DNAJC6: variants seen among roughly 807,000 people sequenced by gnomAD.
The protein encoded by DNAJC6 is auxilin.
A neutral mutation model predicts 110.0 loss-of-function variants in DNAJC6; 34 were observed. That is an observed-to-expected ratio of 0.31 (90% CI 0.24 to 0.41). The LOEUF is 0.41. Among genes scored for constraint, DNAJC6 ranks in the 10% least tolerant of loss-of-function variants. The pLI is 1.00. For synonymous variants in DNAJC6, 406 were observed against 437.2 expected (o/e 0.93, Z 0.89); for missense variants, 1,031 against 1,207.8 (o/e 0.85, Z 2.17).
intron 1 of DNAJC6, among the ~76,000 whole-genome samples, chr1:65,361,095 C>A (rs1392444399): frequency 2.6e-5 from 4 of 152,182 alleles, no homozygotes; most frequent in African/African-American, 9.7e-5. Flanking sequence ...GCTGACCCTT[C>A]CACTCGTTAA....
At chr1:65,265,416 T>C (rs1653280840) in intron 1 of DNAJC6, among the ~76,000 whole-genome samples, 1 of 152,182 alleles carries the variant, frequency 6.6e-6, no homozygotes, top group Non-Finnish European at 1.5e-5. Flanking sequence ...AAGCGCTCCA[T>C]GGGGAGCCGT....
chr1:65,343,154 G>T (rs2101491913), intron 1 of DNAJC6, among the ~76,000 whole-genome samples: 1 of 152,278 alleles, frequency 6.6e-6, no homozygotes, highest in African/African-American at 2.4e-5. Context: ...CTTGGCTCTA[G>T]TATGTACCAT....
chr1:65,305,919 A>C (rs1363390315), upstream of DNAJC6, among the ~76,000 whole-genome samples: 1 of 152,196 alleles, frequency 6.6e-6, no homozygotes, highest in Non-Finnish European at 1.5e-5. Context: ...ATTATATGTT[A>C]GGAACTAATT....
intron 1 of DNAJC6, among the ~76,000 whole-genome samples, chr1:65,363,402 G>C (rs905409364): frequency 2.8e-5 from 4 of 143,006 alleles, no homozygotes; most frequent in Non-Finnish European, 6.3e-5. Context: ...AAGGGAGAGA[G>C]AAATACAGAC....
intron 1 of DNAJC6, among the ~76,000 whole-genome samples, chr1:65,349,115 AAT>A (rs1278749905): frequency 4.2e-5 from 6 of 144,538 alleles, no homozygotes; most frequent in Admixed American, 7.0e-5. Context: ...TAAATATGTA[AAT>A]ATATATATAT....
intron 6 of DNAJC6, 58 bp downstream of exon 6, chr1:65,384,384 G>T: frequency 7.4e-7 from 1 of 1,357,686 alleles, no homozygotes; most frequent in South Asian, 2.1e-5. Context: ...ATCATGTACT[G>T]TTTTAAATCT....
chr1:65,332,329 G>C (rs533915872), intron 1 of DNAJC6, among the ~76,000 whole-genome samples: 1 of 152,224 alleles, frequency 6.6e-6, no homozygotes, highest in Admixed American at 6.5e-5. Context: ...TGAATTGGGT[G>C]GTGGGGCACC....
chr1:65,365,313 T>G (rs1645635821), intron 2 of DNAJC6, among the ~76,000 whole-genome samples: 1 of 152,176 alleles, frequency 6.6e-6, no homozygotes, highest in South Asian at 2.1e-4. Flanking sequence ...TATAAGCAGG[T>G]CATAGGAGTT....
intron 1 of DNAJC6, among the ~76,000 whole-genome samples, chr1:65,282,841 C>G (rs1028112408): frequency 1.3e-5 from 2 of 152,166 alleles, no homozygotes; most frequent in African/African-American, 4.8e-5. Flanking sequence ...AAATTATGAA[C>G]TCCTTGAGGT....
chr1:65,380,437 A>G lies in DNAJC6; in HGVS notation c.666+913A>G, dbSNP rs977180924. On this transcript the variant is annotated intron_variant, in intron 5 of 18. Transcript: ENST00000371069. ...GCCAGTTGGCTAAAACAGGAAAGAA[A>G]GTTAAAGAACATTTTTTCTTTCTTT... 2.0e-5 allele frequency among the ~76,000 whole-genome samples: 3 copies of G among 152,234 alleles called. No individual in the cohort carries two copies. In the South Asian group the frequency reaches 6.2e-4, roughly 31 times the overall value.
intron 15 of DNAJC6, among the ~76,000 whole-genome samples, chr1:65,404,321 T>C (rs1348579186): frequency 2.0e-5 from 3 of 152,236 alleles, no homozygotes; most frequent in African/African-American, 7.2e-5. Flanking sequence ...GTTTGCTTAA[T>C]TGTGTAATAC....
intron 1 of DNAJC6, among the ~76,000 whole-genome samples, chr1:65,316,995 A>G (rs1645154774): frequency 6.6e-6 from 1 of 152,084 alleles, no homozygotes; most frequent in Non-Finnish European, 1.5e-5. Context: ...ACAATAGATG[A>G]CTTTCATCTA....
At chr1:65,306,158 C>T (rs570081701), upstream of DNAJC6, among the ~76,000 whole-genome samples, 3 of 151,486 alleles carry the variant, frequency 2.0e-5, no homozygotes, top group Non-Finnish European at 4.4e-5. Context: ...AGCGATTCTC[C>T]TGCCTCAGCC....
At chr1:65,269,536 G>T (rs1339774745) in intron 1 of DNAJC6, among the ~76,000 whole-genome samples, 1 of 152,096 alleles carries the variant, frequency 6.6e-6, no homozygotes, top group Non-Finnish European at 1.5e-5. Context: ...CAAAATAAGT[G>T]TAAAAAAATT....
chr1:65,352,738 T>C (rs1014836625), intron 1 of DNAJC6, among the ~76,000 whole-genome samples: 2 of 152,210 alleles, frequency 1.3e-5, no homozygotes, highest in African/African-American at 2.4e-5. Flanking sequence ...CTCTCAGAAG[T>C]TGGCTTGCAA....
In DNAJC6 at chr1:65,392,718, G is replaced by C; in HGVS notation, c.1756G>C (p.Gly586Arg). The change falls in exon 12 of 19, where the codon GGG (glycine) becomes CGG (arginine). Residue 586 changes from glycine to arginine, a missense_variant. Physicochemically the swap from Gly to Arg is moderately radical, Grantham distance 125. Transcript: ENST00000371069. Reference sequence around the variant, plus strand: ...TTCTGAACTACTGAGTGACCTGTTTGGGGGTGGAGGTGCAGCTGGTCCCAC... The same window carrying C: ...TTCTGAACTACTGAGTGACCTGTTTCGGGGTGGAGGTGCAGCTGGTCCCAC... ...TNSELLSDLF[G>R]GGGAAGPTQA... 6.2e-7 allele frequency: 1 copy of C among 1,612,744 alleles called. No individual in the cohort carries two copies.
chr1:65,392,971 CT>C, intron 12 of DNAJC6, 106 bp downstream of exon 12: 1 of 1,081,190 alleles, frequency 9.2e-7, no homozygotes, highest in East Asian at 2.9e-5. Flanking sequence ...TCTGATTTCA[CT>C]GTAAGTCCTT....
chr1:65,373,281 T>A (rs1000957488), intron 4 of DNAJC6, among the ~76,000 whole-genome samples: 1 of 152,250 alleles, frequency 6.6e-6, no homozygotes, highest in Non-Finnish European at 1.5e-5. Flanking sequence ...AGTGCAGCTT[T>A]ATATTCGATA....
At chr1:65,322,438 A>G (rs1374965166) in intron 1 of DNAJC6, among the ~76,000 whole-genome samples, 1 of 152,198 alleles carries the variant, frequency 6.6e-6, no homozygotes, top group Admixed American at 6.5e-5. Flanking sequence ...CTATTATATA[A>G]TGTGATGTTT....
Sources: gnomAD v4.1 joint callset for allele counts (sites outside exome capture counted in the v4.1 genomes callset) on GRCh38, gnomAD v4.1.1 for gene constraint, MANE v1.5 for transcripts, NCBI Gene and HGNC (gene_info 2026-07-23, HGNC 2026-07-21) for gene names.